Variants in TTI1 observed in about 807,000 individuals in gnomAD.
TTI1 encodes the protein TELO2-interacting protein 1 homolog.
A neutral mutation model predicts 85.4 loss-of-function variants in TTI1; 52 were observed. That is an observed-to-expected ratio of 0.61 (90% CI 0.49 to 0.77). The LOEUF (loss-of-function observed/expected upper bound fraction) is 0.77. Ranked by LOEUF, TTI1 falls within the 30% of genes least tolerant of loss-of-function variation. The probability of loss-of-function intolerance (pLI) is 0.00; values close to 1 mark genes in which losing one functional copy is unlikely to be tolerated. For synonymous variants in TTI1, 512 were observed against 503.9 expected (o/e 1.02, Z -0.22); for missense variants, 1,173 against 1,296.0 (o/e 0.91, Z 1.46).
chr20:38,020,324 ATATATATATATAT>A (rs1568629084), intron 1 of TTI1, among the ~76,000 whole-genome samples: 3 of 45,798 alleles, frequency 6.6e-5, no homozygotes, highest in East Asian at 4.5e-4. Context: ...AAAAAAAAAA[ATATATATATATAT>A]ATATATATAT....
At chr20:38,006,962 T>C (rs1056218540) in intron 2 of TTI1, among the ~76,000 whole-genome samples, 4 of 152,214 alleles carry the variant, frequency 2.6e-5, no homozygotes, top group African/African-American at 9.6e-5. Context: ...CTGCAATCAT[T>C]TTTGTATGAC....
intron 1 of TTI1, among the ~76,000 whole-genome samples, chr20:38,017,522 T>C (rs1188922842): frequency 2.0e-5 from 3 of 151,886 alleles, no homozygotes; most frequent in South Asian, 2.1e-4. Context: ...GTGGTTATCA[T>C]TGGGGAAAGA....
intron 1 of TTI1, among the ~76,000 whole-genome samples, chr20:38,020,323 A>AAAAATCTATATAT: frequency 2.0e-5 from 1 of 50,382 alleles, no homozygotes; most frequent in African/African-American, 8.9e-5. Context: ...AAAAAAAAAA[A>AAAAATCTATATAT]ATATATATAT....
chr20:38,012,331 C>A lies in TTI1; in HGVS notation c.1486G>T (p.Gly496Cys). 1 of 1,614,098 alleles carries A rather than the reference C, an allele frequency of 6.2e-7. No homozygotes were observed. Among genetic ancestry groups the A allele is most frequent in the Non-Finnish European group, 8.5e-7 (1 of 1,180,026 alleles). Residue 496 changes from glycine to cysteine, a missense_variant, in exon 2 of 8, where the codon GGT (glycine) becomes TGT (cysteine). By Grantham distance (159) the Gly-to-Cys change is radical. Transcript: ENST00000373447. ...AGCAAATAAAGATTCCCATAATAAC[C>A]AAGTAGCTGACAAACCTGCCTCAAG... ...MLLRQVCQLL[G>C]YYGNLYLLVD...
At chr20:38,021,124 C>T (rs2073765870) in intron 1 of TTI1, among the ~76,000 whole-genome samples, 1 of 152,214 alleles carries the variant, frequency 6.6e-6, no homozygotes, top group South Asian at 2.1e-4. Context: ...GATAAATAAA[C>T]TGTAGTACAT....
At chr20:38,021,938 AG>A (rs1285493438) in intron 1 of TTI1, among the ~76,000 whole-genome samples, 1 of 152,240 alleles carries the variant, frequency 6.6e-6, no homozygotes, top group Non-Finnish European at 1.5e-5. Context: ...GAAGTGAAAA[AG>A]GGAGGGGAAA....
chr20:38,005,213 C>T (rs1057193407), intron 3 of TTI1, among the ~76,000 whole-genome samples: 3 of 152,140 alleles, frequency 2.0e-5, no homozygotes, highest in African/African-American at 4.8e-5. Context: ...TTTATTCCAA[C>T]CTCACAAACT....
chr20:37,986,543 C>T (rs1162067110), intron 7 of TTI1, among the ~76,000 whole-genome samples: 3 of 152,178 alleles, frequency 2.0e-5, no homozygotes, highest in African/African-American at 4.8e-5. Context: ...GGGGCAGATG[C>T]CCCAGAATGG....
intron 1 of TTI1, among the ~76,000 whole-genome samples, chr20:38,019,714 A>G (rs2122623914): frequency 6.6e-6 from 1 of 152,362 alleles, no homozygotes; most frequent in Non-Finnish European, 1.5e-5. Flanking sequence ...TAAAACAGCG[A>G]TTACATTTGT....
chr20:38,031,711 A>G (rs141236936), intron 1 of TTI1, among the ~76,000 whole-genome samples: 1 of 152,346 alleles, frequency 6.6e-6, no homozygotes, highest in East Asian at 1.9e-4. Flanking sequence ...GAATGAATGA[A>G]TAAACTATTG....
intron 7 of TTI1, among the ~76,000 whole-genome samples, chr20:37,993,343 T>C (rs2073293064): frequency 6.6e-6 from 1 of 151,982 alleles, no homozygotes; most frequent in African/African-American, 2.4e-5. Context: ...CCCTGATCAA[T>C]GTCCATTTCT....
intron 7 of TTI1, among the ~76,000 whole-genome samples, chr20:37,991,721 AT>A (rs1272349156): frequency 3.3e-5 from 5 of 152,248 alleles, no homozygotes; most frequent in African/African-American, 1.2e-4. Context: ...TGTATAACAT[AT>A]TTGGGAAATT....
At chr20:38,032,224 G>T (rs2073919939) in intron 1 of TTI1, among the ~76,000 whole-genome samples, 1 of 152,226 alleles carries the variant, frequency 6.6e-6, no homozygotes, top group Admixed American at 6.5e-5. Context: ...CAGCTTTGTT[G>T]TGAGGATTAA....
In TTI1 at chr20:38,013,447, T is replaced by A; in HGVS notation, c.370A>T (p.Ile124Phe). The change falls in exon 2 of 8, where the codon ATC (isoleucine) becomes TTC (phenylalanine). Residue 124 changes from isoleucine (I) to phenylalanine (F), a missense_variant. Transcript: ENST00000373447. Reference sequence around the variant, plus strand: ...TGCATTAATGTGCTAAGTCCCTGGATCACAGCCAATTTCAACTCCTCGGAC... The same window carrying A: ...TGCATTAATGTGCTAAGTCCCTGGAACACAGCCAATTTCAACTCCTCGGAC... ...AVSEELKLAV[I>F]QGLSTLMHSA... is the part of the protein sequence containing the mutation. The A allele has an allele frequency of 6.2e-7, 1 of 1,614,026 alleles. No homozygotes were observed. Among genetic ancestry groups the A allele is most frequent in the South Asian group, 1.1e-5 (1 of 91,078 alleles).
intron 1 of TTI1, among the ~76,000 whole-genome samples, chr20:38,027,287 T>C (rs1354630494): frequency 6.6e-6 from 1 of 152,250 alleles, no homozygotes; most frequent in African/African-American, 2.4e-5. Flanking sequence ...AACTCTAGAT[T>C]ATTACAACAC....
In TTI1 at chr20:38,013,758, T is replaced by G; in HGVS notation, c.59A>C (p.Gln20Pro). ...AFGVLRPVCVQLTKTQTVENV... is the reference protein window; with the variant it reads ...AFGVLRPVCVPLTKTQTVENV... ...CTCCACTGTCTGGGTCTTTGTGAGC[T>G]GAACACAGACTGGACGTAAGACACC... Residue 20 changes from glutamine to proline, a missense_variant, in exon 2 of 8, where the codon CAG (glutamine) becomes CCG (proline). Gln to Pro is a moderately conservative substitution (Grantham distance 76). Coordinates refer to ENST00000373447, the MANE Select transcript of TTI1 (RefSeq NM_001303457.2). 1 of 1,614,106 alleles carries G rather than the reference T, an allele frequency of 6.2e-7. No homozygotes were observed. The highest frequency in any genetic ancestry group is 8.5e-7 in the Non-Finnish European group (1 of 1,180,024).
intron 1 of TTI1, among the ~76,000 whole-genome samples, chr20:38,020,428 C>A (rs2122629519): frequency 6.9e-6 from 1 of 144,912 alleles, no homozygotes; most frequent in South Asian, 2.2e-4. Flanking sequence ...AGGAAACAGA[C>A]AAGAACATCT....
Position 37,996,447 on chromosome 20 carries a change from T to A in TTI1, c.3014A>T (p.Asn1005Ile). Residue 1005 changes from asparagine to isoleucine, a missense_variant, in exon 7 of 8, where the codon AAT becomes ATT. Asn to Ile is a moderately radical substitution (Grantham distance 149). Transcript: ENST00000373447. Reference protein sequence around the residue: ...ERLDLGEGDLNKVADACLIYL... With the variant: ...ERLDLGEGDLIKVADACLIYL... ...AATCAAGCAGGCATCAGCCACTTTA[T>A]TCAGGTCACCCTCACCTGCAGAAAA... 1 of 1,613,958 alleles carries A rather than the reference T, an allele frequency of 6.2e-7. No individual in the cohort carries two copies. Among genetic ancestry groups the A allele is most frequent in the South Asian group, 1.1e-5 (1 of 91,078 alleles).
chr20:38,006,099 T>C (rs1479752092), intron 3 of TTI1, 98 bp downstream of exon 3: 2 of 1,399,656 alleles, frequency 1.4e-6, no homozygotes, highest in African/African-American at 2.9e-5. Context: ...TATGAGTAAC[T>C]TTTCTTATTT....
Sources: allele counts gnomAD v4.1 joint callset (sites outside exome capture counted in the v4.1 genomes callset), GRCh38; gene constraint gnomAD v4.1.1; transcripts MANE v1.5; gene names NCBI Gene and HGNC (gene_info 2026-07-23, HGNC 2026-07-21).